Variants in ARHGAP8 observed in about 807,000 individuals in gnomAD.
The protein encoded by ARHGAP8 is Rho GTPase activating protein 8.
In ARHGAP8, 62 loss-of-function variants were observed where a neutral mutation model predicts 46.1. The observed-to-expected ratio is 1.34, with a 90% CI of 1.10 to 1.66. The LOEUF is 1.66. Ranked by LOEUF, ARHGAP8 falls within the 40% of genes most tolerant of loss-of-function variation. The pLI, the probability that ARHGAP8 is intolerant of heterozygous loss-of-function variation, is 0.00. For synonymous variants in ARHGAP8, 375 were observed against 243.1 expected (o/e 1.54, Z -5.05); for missense variants, 923 against 568.4 (o/e 1.62, Z -6.34).
At chr22:44,771,628 C>T (rs759112584) in intron 1 of ARHGAP8, among the ~76,000 whole-genome samples, 6 of 151,776 alleles carry the variant, frequency 4.0e-5, no homozygotes, top group Non-Finnish European at 7.4e-5. Context: ...AATCTCAGCT[C>T]GCTGCAACCT....
intron 10 of ARHGAP8, among the ~76,000 whole-genome samples, chr22:44,851,604 C>G (rs973734082): frequency 7.2e-5 from 11 of 152,120 alleles, no homozygotes; most frequent in African/African-American, 1.7e-4. Flanking sequence ...GCAGAAAGAT[C>G]ACTTGAGTCC....
chr22:44,771,079 A>T (rs1234564533), intron 1 of ARHGAP8, among the ~76,000 whole-genome samples: 1 of 152,098 alleles, frequency 6.6e-6, no homozygotes, highest in African/African-American at 2.4e-5. Context: ...TGGATTTTTA[A>T]GTTTTAATTT....
Position 44,787,033 on chromosome 22 carries a change from A to AAAAAC in ARHGAP8, c.79+430_79+431insACAAA, listed in dbSNP as rs530159637. Reference sequence around the variant, plus strand: ...CAGAGTGGTGAGACCCTGTCTCAAAAAAACAAAAAAAAAAAAAAGAAAGAA... The same window carrying AAAAAC: ...CAGAGTGGTGAGACCCTGTCTCAAAAAAAACAAACAAAAAAAAAAAAAAGAAAGAA... On this transcript the variant is annotated intron_variant, in intron 2 of 11. Transcript: ENST00000356099. Among the ~76,000 whole-genome samples, 625 of 92,322 alleles carry AAAAAC rather than the reference A, an allele frequency of 6.8e-3. 14 individuals carry two copies. The highest frequency in any genetic ancestry group is 0.053 in the South Asian group (163 of 3,086). 60.6% of individuals were successfully genotyped at this position (92,322 alleles called of 152,430 possible).
chr22:44,841,464 T>C (rs1164975319), intron 7 of ARHGAP8, among the ~76,000 whole-genome samples: 1 of 152,134 alleles, frequency 6.6e-6, no homozygotes, highest in Non-Finnish European at 1.5e-5. Flanking sequence ...GCCTTCCAAG[T>C]GCACTCCTAG....
intron 2 of ARHGAP8, among the ~76,000 whole-genome samples, chr22:44,793,207 C>T (rs963132975): frequency 6.6e-6 from 1 of 152,096 alleles, no homozygotes; most frequent in African/African-American, 2.4e-5. Context: ...GAGTCTGAAG[C>T]TCTGGTCTGG....
In ARHGAP8 at chr22:44,828,598, C is replaced by T. The variant is rs960438742; in HGVS notation, c.596+3005C>T. ...CTGATTAGCTGGGACTATAGGCGTGCGCCACCACACCTGGCTAATTTTTTT... is the reference window on the plus strand; with the variant it reads ...CTGATTAGCTGGGACTATAGGCGTGTGCCACCACACCTGGCTAATTTTTTT... On this transcript the variant is annotated intron_variant, in intron 7 of 11. Coordinates refer to ENST00000356099, the MANE Select transcript of ARHGAP8 (RefSeq NM_181335.3). Among the ~76,000 whole-genome samples the T allele has an allele frequency of 6.6e-5, 10 of 151,012 alleles. No homozygotes were observed. In the East Asian group the frequency reaches 7.7e-4, roughly 12 times the overall value.
intron 5 of ARHGAP8, among the ~76,000 whole-genome samples, chr22:44,818,750 G>A (rs1929931722): frequency 1.3e-5 from 2 of 151,828 alleles, no homozygotes; most frequent in African/African-American, 4.8e-5. Context: ...CGGCTGGAGT[G>A]CAGTGGTGCA....
At chr22:44,772,809 CTTTTTT>C (rs5845668) in intron 1 of ARHGAP8, among the ~76,000 whole-genome samples, 6 of 113,004 alleles carry the variant, frequency 5.3e-5, no homozygotes, top group Non-Finnish European at 1.0e-4. Flanking sequence ...CTCTCTCCCA[CTTTTTT>C]TTTTTTTTTT....
At chr22:44,816,578 C>T (rs1929756615) in intron 5 of ARHGAP8, among the ~76,000 whole-genome samples, 1 of 152,004 alleles carries the variant, frequency 6.6e-6, no homozygotes, top group Admixed American at 6.6e-5. Flanking sequence ...TTTGGGAGGC[C>T]AAGGCAGGAG....
chr22:44,788,944 G>A (rs1041921095), intron 2 of ARHGAP8, among the ~76,000 whole-genome samples: 6 of 152,178 alleles, frequency 3.9e-5, no homozygotes, highest in Non-Finnish European at 2.9e-5. Context: ...TTGTTGGGCA[G>A]AATGCTCTAT....
At chr22:44,772,663 G>A (rs1294010591) in intron 1 of ARHGAP8, among the ~76,000 whole-genome samples, 1 of 151,762 alleles carries the variant, frequency 6.6e-6, no homozygotes, top group African/African-American at 2.4e-5. Flanking sequence ...TTTGGTTTTG[G>A]CATAAGGGTA....
At chr22:44,808,662 T>A (rs1171327130) in intron 4 of ARHGAP8, 1 of 840,280 alleles carries the variant, frequency 1.2e-6, no homozygotes, top group South Asian at 1.4e-5. Flanking sequence ...CTTTCTTTCT[T>A]TTTTTTAAGA....
chr22:44,854,100 G>A (rs1031986709), intron 10 of ARHGAP8, among the ~76,000 whole-genome samples: 1 of 138,756 alleles, frequency 7.2e-6, no homozygotes. Flanking sequence ...AGATTTGAGA[G>A]AATTCCTCTC....
intron 7 of ARHGAP8, among the ~76,000 whole-genome samples, chr22:44,841,750 C>G (rs895446486): frequency 2.6e-5 from 4 of 152,162 alleles, no homozygotes; most frequent in Non-Finnish European, 4.4e-5. Flanking sequence ...AGGGTGGGGA[C>G]TGGAATAAGA....
intron 11 of ARHGAP8, among the ~76,000 whole-genome samples, 166 bp from the exon 12 acceptor site, chr22:44,862,109 C>A (rs1337693782): frequency 2.0e-5 from 3 of 152,180 alleles, no homozygotes; most frequent in South Asian, 2.1e-4. Context: ...GTAACTAAGG[C>A]CCTGAGTGGG....
intron 1 of ARHGAP8, among the ~76,000 whole-genome samples, chr22:44,780,186 T>C (rs1393266802): frequency 6.6e-6 from 1 of 152,186 alleles, no homozygotes; most frequent in Non-Finnish European, 1.5e-5. Context: ...AAAAAAAATC[T>C]AACTTTATAA....
At chr22:44,859,576 A>G in intron 10 of ARHGAP8, 155 bp from the exon 11 acceptor site, 1 of 721,408 alleles carries the variant, frequency 1.4e-6, no homozygotes, top group Non-Finnish European at 2.3e-6. Context: ...GAGCAGAGCC[A>G]TACGGCCAGA....
chr22:44,769,855 T>G (rs1925867196), intron 1 of ARHGAP8, among the ~76,000 whole-genome samples: 1 of 152,194 alleles, frequency 6.6e-6, no homozygotes, highest in Admixed American at 6.6e-5. Context: ...CAAATCCGTC[T>G]CCTTGAAAAT....
chr22:44,859,253 T>G (rs2070345803), intron 10 of ARHGAP8, among the ~76,000 whole-genome samples: 1 of 152,142 alleles, frequency 6.6e-6, no homozygotes, highest in Non-Finnish European at 1.5e-5. Context: ...TGGGGACTGG[T>G]GGCAGGTGAT....
Sources: gnomAD v4.1 joint callset for allele counts (sites outside exome capture counted in the v4.1 genomes callset) on GRCh38, gnomAD v4.1.1 for gene constraint, MANE v1.5 for transcripts, NCBI Gene and HGNC (gene_info 2026-07-23, HGNC 2026-07-21) for gene names.